PLEKHA8: variants seen among roughly 807,000 people sequenced by gnomAD.
PLEKHA8 encodes the protein pleckstrin homology domain-containing family A member 8.
PLEKHA8 carries 36 observed loss-of-function variants against 68.2 expected under a neutral mutation model. The observed-to-expected ratio is 0.53, with a 90% CI of 0.40 to 0.70. The LOEUF (loss-of-function observed/expected upper bound fraction) is 0.70, where lower values mean the gene tolerates loss of function less well. Among genes scored for constraint, PLEKHA8 ranks in the 30% least tolerant of loss-of-function variants. The pLI is 0.00. For missense variants in PLEKHA8, 505 were observed against 615.4 expected, an observed-to-expected ratio of 0.82 and a Z score of 1.90; for synonymous variants, 211 against 216.1, an observed-to-expected ratio of 0.98 and a Z score of 0.20.
intron 12 of PLEKHA8, among the ~76,000 whole-genome samples, chr7:30,066,876 C>T (rs756451067): frequency 6.6e-6 from 1 of 152,116 alleles, no homozygotes; most frequent in Non-Finnish European, 1.5e-5. Context: ...ATATGAAAGG[C>T]TTTCACAGAT....
chr7:30,060,984 G>T (rs746952812), intron 10 of PLEKHA8, 42 bp downstream of exon 10: 1 of 1,570,496 alleles, frequency 6.4e-7, no homozygotes, highest in African/African-American at 1.4e-5. Context: ...TTTAAATAAA[G>T]GAAAATGTTC....
chr7:30,039,057 T>G lies in PLEKHA8; in HGVS notation c.41-6028T>G, dbSNP rs538106397. ...GAACTGAAAAGTCCTTTGGCTAAGA[T>G]TTTTTAAAAGTAAATTTTACACAGT... On this transcript the variant is annotated intron_variant, in intron 1 of 13. Transcript: ENST00000449726. 3.3e-5 allele frequency among the ~76,000 whole-genome samples: 5 copies of G among 152,322 alleles called. No homozygotes were observed. In the East Asian group the frequency reaches 9.6e-4, roughly 29 times the overall value.
chr7:30,064,233 A>G (rs897711065), intron 12 of PLEKHA8, among the ~76,000 whole-genome samples: 4 of 152,256 alleles, frequency 2.6e-5, no homozygotes, highest in African/African-American at 9.6e-5. Flanking sequence ...GTGCATGTGC[A>G]TGTGAAAAAA....
downstream of PLEKHA8, chr7:30,084,754 C>A: frequency 1.7e-6 from 1 of 588,766 alleles, no homozygotes; most frequent in Non-Finnish European, 2.1e-6. Context: ...CAGTCTAAGC[C>A]GTTTACAAAT....
intron 13 of PLEKHA8, among the ~76,000 whole-genome samples, chr7:30,101,429 TGGTC>T (rs1795850110): frequency 9.7e-6 from 1 of 103,152 alleles, no homozygotes; most frequent in Non-Finnish European, 2.1e-5. Context: ...CCAGAAACCG[TGGTC>T]GGGTTCTGGT....
At chr7:30,110,327 A>G (rs923224236) in intron 13 of PLEKHA8, among the ~76,000 whole-genome samples, 1 of 152,222 alleles carries the variant, frequency 6.6e-6, no homozygotes, top group Admixed American at 6.5e-5. Flanking sequence ...AGATTCATCC[A>G]TAGTGTAGTA....
exon 13 of PLEKHA8, chr7:30,090,395 T>C: frequency 1.9e-6 from 1 of 533,604 alleles, no homozygotes; most frequent in South Asian, 3.1e-5. Context: ...TAATGTCAAG[T>C]TCTCTTAAGC....
chr7:30,077,272 A>G (rs1057002869), intron 13 of PLEKHA8, among the ~76,000 whole-genome samples: 2 of 152,132 alleles, frequency 1.3e-5, no homozygotes, highest in African/African-American at 2.4e-5. Context: ...CTGAAATTTC[A>G]TGATGTGCCC....
At chr7:30,035,273 G>A (rs1790981772) in intron 1 of PLEKHA8, among the ~76,000 whole-genome samples, 1 of 152,130 alleles carries the variant, frequency 6.6e-6, no homozygotes, top group Non-Finnish European at 1.5e-5. Context: ...AATAATAGCT[G>A]TACCTAGGTT....
chr7:30,081,856 G>C lies in PLEKHA8; in HGVS notation c.*3069G>C. On this transcript the variant is annotated 3_prime_UTR_variant, in exon 14 of 14. Coordinates refer to ENST00000449726, the MANE Select transcript of PLEKHA8 (RefSeq NM_001197026.2). ...TAAAAGCCAGTGTTTACACTTTGTA[G>C]GGATCAGGGTGTATTTGTTGAATTA... is the stretch of plus-strand genomic sequence containing the variant. 1 of 985,390 alleles carries C rather than the reference G, an allele frequency of 1.0e-6. No homozygotes were observed. Among genetic ancestry groups the C allele is most frequent in the Non-Finnish European group, 1.2e-6 (1 of 829,896 alleles). 61.0% of individuals were successfully genotyped at this position (985,390 alleles called of 1,614,324 possible). A position where few individuals can be genotyped will look rare whatever the true frequency, so the allele number is the denominator to read the frequency against.
At chr7:30,094,511 T>A (rs534071770), downstream of PLEKHA8, among the ~76,000 whole-genome samples, 19 of 152,078 alleles carry the variant, frequency 1.2e-4, no homozygotes, top group African/African-American at 4.3e-4. Context: ...CCTTTTTTTT[T>A]TAAATTTTAT....
exon 13 of PLEKHA8, chr7:30,090,358 T>C: frequency 1.5e-6 from 1 of 677,658 alleles, no homozygotes; most frequent in Non-Finnish European, 2.4e-6. Context: ...GACTCAAATG[T>C]ATTATTGCCA....
intron 12 of PLEKHA8, among the ~76,000 whole-genome samples, chr7:30,073,647 AT>A (rs1396071359): frequency 4.0e-5 from 6 of 149,490 alleles, no homozygotes; most frequent in Non-Finnish European, 5.9e-5. Flanking sequence ...TTGTAATTAG[AT>A]TTTTTTCATA....
chr7:30,062,100 C>T (rs17326411), intron 11 of PLEKHA8, 73 bp downstream of exon 11: 239,139 of 1,516,528 alleles, frequency 0.16, 19,229 homozygotes, highest in African/African-American at 0.2. Context: ...AATTGTTACA[C>T]AAAGGAGACT....
chr7:30,045,582 C>CA (rs1791891028), intron 2 of PLEKHA8, among the ~76,000 whole-genome samples: 1 of 152,202 alleles, frequency 6.6e-6, no homozygotes, highest in Admixed American at 6.5e-5. Flanking sequence ...ACAAAACAAG[C>CA]AAAAACTTAA....
intron 13 of PLEKHA8, among the ~76,000 whole-genome samples, chr7:30,116,320 A>G (rs1796560409): frequency 6.6e-6 from 1 of 151,812 alleles, no homozygotes; most frequent in Non-Finnish European, 1.5e-5. Flanking sequence ...ATATACATAC[A>G]CATATGTGTG....
intron 1 of PLEKHA8, among the ~76,000 whole-genome samples, chr7:30,037,312 A>G (rs1021804365): frequency 6.6e-6 from 1 of 151,590 alleles, no homozygotes; most frequent in Non-Finnish European, 1.5e-5. Context: ...TTTTCTTGGC[A>G]TTAGTTACTT....
At chr7:30,054,418 C>A (rs1463455766) in intron 7 of PLEKHA8, among the ~76,000 whole-genome samples, 1 of 152,050 alleles carries the variant, frequency 6.6e-6, no homozygotes, top group East Asian at 1.9e-4. Flanking sequence ...CTAAGTGCCC[C>A]TCATGGATAT....
chr7:30,118,125 C>G, intron 13 of PLEKHA8: 1 of 1,100,792 alleles, frequency 9.1e-7, no homozygotes. Flanking sequence ...CTAAATGCCT[C>G]TCCTGGGCCA....
Sources: gnomAD v4.1 joint callset for allele counts (sites outside exome capture counted in the v4.1 genomes callset) on GRCh38, gnomAD v4.1.1 for gene constraint, MANE v1.5 for transcripts, NCBI Gene and HGNC (gene_info 2026-07-23, HGNC 2026-07-21) for gene names.